CDK19: variants seen among roughly 807,000 people sequenced by gnomAD.
CDK19 encodes the protein cyclin dependent kinase 19.
A neutral mutation model predicts 68.3 loss-of-function variants in CDK19; 20 were observed. That is an observed-to-expected ratio of 0.29 (90% CI 0.21 to 0.43). CDK19 has a LOEUF of 0.43. CDK19 is among the 20% of genes least tolerant of loss of function. CDK19 has a pLI of 1.00. For missense variants in CDK19, 339 were observed against 623.5 expected (o/e 0.54, Z 4.86); for synonymous variants, 221 against 222.8 (o/e 0.99, Z 0.07).
intron 4 of CDK19, among the ~76,000 whole-genome samples, chr6:110,641,269 A>C (rs1780142527): frequency 6.6e-6 from 1 of 152,220 alleles, no homozygotes; most frequent in Admixed American, 6.5e-5. Flanking sequence ...AAGGAGCTTA[A>C]ATCCAGGAGG....
chr6:110,792,249 G>A (rs988047918), intron 1 of CDK19, among the ~76,000 whole-genome samples: 20 of 152,104 alleles, frequency 1.3e-4, no homozygotes, highest in African/African-American at 3.9e-4. Context: ...GATTACAGGC[G>A]TGAGCCACCG....
At chr6:110,651,629 A>G (rs1405967086) in intron 4 of CDK19, among the ~76,000 whole-genome samples, 1 of 152,182 alleles carries the variant, frequency 6.6e-6, no homozygotes, top group East Asian at 1.9e-4. Flanking sequence ...TTTTACAACT[A>G]CACTCATAGG....
chr6:110,719,106 A>C (rs755099891), intron 2 of CDK19, among the ~76,000 whole-genome samples: 2 of 152,214 alleles, frequency 1.3e-5, no homozygotes, highest in Non-Finnish European at 2.9e-5. Context: ...AGAAAAAAGA[A>C]ATAAGAAAAA....
At chr6:110,741,198 G>A (rs1389554244) in intron 2 of CDK19, among the ~76,000 whole-genome samples, 2 of 152,026 alleles carry the variant, frequency 1.3e-5, no homozygotes, top group African/African-American at 2.4e-5. Context: ...GTTCATACAT[G>A]TAATCCTAGC....
intron 1 of CDK19, among the ~76,000 whole-genome samples, chr6:110,805,667 G>C (rs1305575982): frequency 1.3e-5 from 2 of 151,862 alleles, no homozygotes; most frequent in African/African-American, 4.9e-5. Context: ...AACTCCTGCT[G>C]TTCAACAGTC....
chr6:110,698,662 C>T (rs1773701661), intron 2 of CDK19, among the ~76,000 whole-genome samples: 1 of 151,994 alleles, frequency 6.6e-6, no homozygotes, highest in African/African-American at 2.4e-5. Flanking sequence ...AGGTGTCTAC[C>T]CAAAGAAAAA....
In CDK19 at chr6:110,611,358, A is replaced by C. The variant is rs945538548; in HGVS notation, c.*3177T>G. ...GATGCCCCTCCTGTACCCTTGGGGG[A>C]CATAACAGTATCTAATAAATTTCAA... is the stretch of plus-strand genomic sequence containing the variant. On this transcript the variant is annotated 3_prime_UTR_variant, in exon 13 of 13. Coordinates refer to ENST00000368911, the MANE Select transcript of CDK19 (RefSeq NM_015076.5). 3.9e-5 allele frequency: 6 copies of C among 152,152 alleles called. No homozygotes were observed. The highest frequency in any genetic ancestry group is 1.2e-4 in the African/African-American group (5 of 41,426). 9.4% of individuals were successfully genotyped at this position (152,152 alleles called of 1,614,324 possible). A position where few individuals can be genotyped will look rare whatever the true frequency, so the allele number is the denominator to read the frequency against.
At chr6:110,719,972 G>GCTCCCCCCCC (rs1554211507) in intron 2 of CDK19, among the ~76,000 whole-genome samples, 27 of 45,512 alleles carry the variant, frequency 5.9e-4, no homozygotes, top group Non-Finnish European at 8.4e-4. Context: ...CTTGTGATCC[G>GCTCCCCCCCC]CCCCCCCCCC....
At chr6:110,797,531 G>A (rs566834968) in intron 1 of CDK19, among the ~76,000 whole-genome samples, 1 of 152,098 alleles carries the variant, frequency 6.6e-6, no homozygotes, top group South Asian at 2.1e-4. Context: ...GAAATGAACG[G>A]AAGAAAGAAA....
intron 2 of CDK19, among the ~76,000 whole-genome samples, chr6:110,737,664 T>G (rs993178808): frequency 1.3e-5 from 2 of 152,202 alleles, no homozygotes; most frequent in Non-Finnish European, 2.9e-5. Context: ...GACCTTGTAT[T>G]AGTTTCCCAG....
chr6:110,676,446 A>C (rs1466130326), intron 2 of CDK19, among the ~76,000 whole-genome samples: 1 of 152,222 alleles, frequency 6.6e-6, no homozygotes, highest in Non-Finnish European at 1.5e-5. Context: ...AAATTTTGAA[A>C]GAAGTTCTAA....
intron 4 of CDK19, among the ~76,000 whole-genome samples, chr6:110,654,935 C>CTT (rs1781211559): frequency 6.7e-6 from 1 of 149,696 alleles, no homozygotes; most frequent in Non-Finnish European, 1.5e-5. Flanking sequence ...GAACAAAACT[C>CTT]TGTCTCCAAA....
intron 2 of CDK19, chr6:110,700,643 G>A (rs1289728485): frequency 6.5e-6 from 1 of 153,210 alleles, no homozygotes; most frequent in Non-Finnish European, 1.5e-5. Flanking sequence ...CCTGGAGAAG[G>A]TGTGTGCTGA....
intron 1 of CDK19, among the ~76,000 whole-genome samples, chr6:110,786,897 CA>C (rs1442061352): frequency 2.0e-5 from 3 of 152,122 alleles, no homozygotes; most frequent in Non-Finnish European, 4.4e-5. Context: ...TTCCAAGGCT[CA>C]GGGGTTAGCA....
chr6:110,768,112 G>A (rs1259088022), intron 1 of CDK19, among the ~76,000 whole-genome samples: 1 of 152,124 alleles, frequency 6.6e-6, no homozygotes, highest in African/African-American at 2.4e-5. Context: ...CCTCACCAAA[G>A]AAGAAATGCA....
At chr6:110,670,574 G>T in intron 2 of CDK19, 33 bp from the exon 3 acceptor site, 2 of 1,237,024 alleles carry the variant, frequency 1.6e-6, no homozygotes, top group Non-Finnish European at 2.4e-6. Flanking sequence ...GGTCACTGTT[G>T]TGTTAGCAAG....
chr6:110,730,770 G>A (rs554968318), intron 2 of CDK19, among the ~76,000 whole-genome samples: 4 of 152,230 alleles, frequency 2.6e-5, no homozygotes, highest in South Asian at 4.1e-4. Flanking sequence ...TTAGAGTATC[G>A]GCTGGGCACA....
intron 1 of CDK19, among the ~76,000 whole-genome samples, chr6:110,771,077 A>C (rs1257744708): frequency 1.3e-5 from 2 of 152,086 alleles, no homozygotes; most frequent in Non-Finnish European, 2.9e-5. Flanking sequence ...TTCCAGGTGC[A>C]TGGTGCAAGC....
intron 2 of CDK19, among the ~76,000 whole-genome samples, chr6:110,713,127 T>C (rs946316050): frequency 1.3e-5 from 2 of 150,436 alleles, no homozygotes; most frequent in Non-Finnish European, 3.0e-5. Context: ...AACCAGGGAG[T>C]TGGAGGTTGC....
Sources: allele counts gnomAD v4.1 joint callset (sites outside exome capture counted in the v4.1 genomes callset), GRCh38; gene constraint gnomAD v4.1.1; transcripts MANE v1.5; gene names NCBI Gene and HGNC (gene_info 2026-07-23, HGNC 2026-07-21).